The following UBXN2A variants were observed in gnomAD, a reference collection of about 807,000 sequenced individuals.
UBXN2A encodes the protein UBX domain protein 2A, also known as UBX domain-containing protein 2A.
In UBXN2A, 28 loss-of-function variants were observed where a neutral mutation model predicts 28.4. The ratio of observed to expected loss-of-function variants is 0.99; its 90% CI spans 0.73 to 1.35. The LOEUF is 1.35. UBXN2A is among the 40% of genes most tolerant of loss of function. The probability of loss-of-function intolerance (pLI) is 0.00; values close to 1 mark genes in which losing one functional copy is unlikely to be tolerated. For missense variants in UBXN2A, 253 were observed against 297.9 expected (o/e 0.85, Z 1.11); for synonymous variants, 97 against 103.6 (o/e 0.94, Z 0.39).
At chr2:23,944,317 T>C (rs1262839292) in intron 1 of UBXN2A, 1 of 1,604,146 alleles carries the variant, frequency 6.2e-7, no homozygotes, top group Non-Finnish European at 8.5e-7. Flanking sequence ...GTCCTGGTTC[T>C]TACTGTGTTA....
intron 2 of UBXN2A, among the ~76,000 whole-genome samples, chr2:23,961,430 G>A (rs533489515): frequency 1.7e-4 from 26 of 150,766 alleles, no homozygotes; most frequent in Non-Finnish European, 2.4e-4. Flanking sequence ...ATTTGGTAAA[G>A]TACACAAAAA....
At chr2:23,944,203 T>C in intron 1 of UBXN2A, 1 of 1,530,932 alleles carries the variant, frequency 6.5e-7, no homozygotes, top group Non-Finnish European at 9.0e-7. Flanking sequence ...AAGTTTGCAC[T>C]CGTCTTCCCT....
At chr2:23,977,942 G>A (rs1275880078) in intron 4 of UBXN2A, among the ~76,000 whole-genome samples, 2 of 151,860 alleles carry the variant, frequency 1.3e-5, no homozygotes, top group Non-Finnish European at 2.9e-5. Flanking sequence ...AGTGATTCTT[G>A]TGCCTCAGCC....
chr2:23,958,351 G>T lies in UBXN2A; in HGVS notation c.37G>T (p.Glu13Ter). The T allele has an allele frequency of 6.2e-7, 1 of 1,605,060 alleles. No homozygotes were observed. Among genetic ancestry groups the T allele is most frequent in the Non-Finnish European group, 8.5e-7 (1 of 1,177,178 alleles). The change falls in exon 2 of 7, where the codon GAA (glutamate) becomes TAA (stop). Residue 13 changes from glutamate to a stop codon, truncating the protein, a stop_gained. Transcript: ENST00000309033. LOFTEE classifies it high-confidence loss of function. ...AGATAACCTCAAAAGTATAAAAGAA[G>T]AATGGTAAGTTAATTCAAACTGAAT... is the stretch of plus-strand genomic sequence containing the variant. ...DVDNLKSIKE[E>*]WVCETGSDNQ...
intron 2 of UBXN2A, among the ~76,000 whole-genome samples, chr2:23,962,753 G>A (rs1573561790): frequency 6.6e-6 from 1 of 151,882 alleles, no homozygotes; most frequent in South Asian, 2.1e-4. Context: ...TTACAGGCAT[G>A]TGCAACCACA....
At chr2:23,981,321 A>C (rs1329643724) in intron 4 of UBXN2A, among the ~76,000 whole-genome samples, 2 of 149,860 alleles carry the variant, frequency 1.3e-5, no homozygotes, top group African/African-American at 2.4e-5. Context: ...AAAAAAAAAA[A>C]ACCTAAAAAA....
chr2:23,981,176 C>T (rs1275911122), intron 4 of UBXN2A, among the ~76,000 whole-genome samples: 1 of 151,824 alleles, frequency 6.6e-6, no homozygotes, highest in East Asian at 1.9e-4. Flanking sequence ...CACAAAGGTA[C>T]AGGCCAGGTA....
chr2:23,959,702 G>T (rs1706808218), intron 2 of UBXN2A, among the ~76,000 whole-genome samples: 2 of 152,072 alleles, frequency 1.3e-5, no homozygotes. Context: ...GCTTCCAGGG[G>T]TCCTCACCCA....
intron 6 of UBXN2A, among the ~76,000 whole-genome samples, chr2:23,996,198 C>T (rs983209774): frequency 6.6e-6 from 1 of 151,340 alleles, no homozygotes; most frequent in Non-Finnish European, 1.5e-5. Context: ...TCCCGAGTAG[C>T]TGGGACTACA....
intron 6 of UBXN2A, among the ~76,000 whole-genome samples, chr2:23,986,710 C>T (rs1708147713): frequency 1.3e-5 from 2 of 151,546 alleles, no homozygotes; most frequent in South Asian, 4.2e-4. Flanking sequence ...CGGGTTCAAG[C>T]GATTCTCCTG....
intron 4 of UBXN2A, among the ~76,000 whole-genome samples, chr2:23,981,476 TAAAAAAAAAAAA>T (rs55665209): frequency 4.8e-4 from 14 of 28,924 alleles, no homozygotes; most frequent in East Asian, 3.5e-3. Flanking sequence ...AGCTCCTATC[TAAAAAAAAAAAA>T]AAAAAAAAAA....
chr2:23,961,255 C>T (rs1190722783), intron 2 of UBXN2A, among the ~76,000 whole-genome samples: 3 of 151,550 alleles, frequency 2.0e-5, no homozygotes, highest in Non-Finnish European at 4.4e-5. Flanking sequence ...GCCACCACGC[C>T]TGGCTAATTT....
chr2:23,986,473 CCTT>C (rs898159007), intron 6 of UBXN2A, among the ~76,000 whole-genome samples: 10 of 151,610 alleles, frequency 6.6e-5, no homozygotes, highest in African/African-American at 2.4e-4. Flanking sequence ...ATATGCATAT[CCTT>C]CTGTCAATTA....
chr2:23,977,975 G>C (rs1174628543), intron 4 of UBXN2A, among the ~76,000 whole-genome samples: 1 of 152,054 alleles, frequency 6.6e-6, no homozygotes, highest in Non-Finnish European at 1.5e-5. Flanking sequence ...GAGATTACGG[G>C]TGTGTGCCAC....
intron 1 of UBXN2A, chr2:23,943,716 C>G: frequency 5.3e-6 from 1 of 190,268 alleles, no homozygotes; most frequent in South Asian, 1.1e-4. Flanking sequence ...GTCTCGAACT[C>G]CTGACCTCAG....
intron 1 of UBXN2A, among the ~76,000 whole-genome samples, chr2:23,954,931 CTTTTTTTTT>C (rs35139100): frequency 2.5e-5 from 3 of 120,818 alleles, no homozygotes; most frequent in South Asian, 2.9e-4. Context: ...GCTTGCCTAC[CTTTTTTTTT>C]TTTTTTTTTT....
upstream of UBXN2A, among the ~76,000 whole-genome samples, chr2:23,936,897 G>C (rs1705546175): frequency 6.6e-6 from 1 of 152,120 alleles, no homozygotes. Context: ...TTTTAGTACA[G>C]ACGGGGTTTC....
intron 1 of UBXN2A, among the ~76,000 whole-genome samples, chr2:23,946,592 A>G (rs1022824852): frequency 3.9e-5 from 6 of 151,990 alleles, no homozygotes; most frequent in African/African-American, 7.3e-5. Context: ...AAGAGCTGAG[A>G]TTACGGGCAT....
chr2:23,934,738 C>G (rs1475683621), intron 1 of UBXN2A, among the ~76,000 whole-genome samples: 1 of 152,078 alleles, frequency 6.6e-6, no homozygotes, highest in East Asian at 1.9e-4. Context: ...TAAACCCAAG[C>G]TACCAGAAGG....
Sources: allele counts gnomAD v4.1 joint callset (sites outside exome capture counted in the v4.1 genomes callset), GRCh38; gene constraint gnomAD v4.1.1; transcripts MANE v1.5; gene names NCBI Gene and HGNC (gene_info 2026-07-23, HGNC 2026-07-21).